Variants in PIGN observed in about 807,000 individuals in gnomAD.
The protein encoded by PIGN is phosphatidylinositol glycan anchor biosynthesis class N.
A neutral mutation model predicts 125.4 loss-of-function variants in PIGN; 117 were observed. The observed-to-expected ratio is 0.93, with a 90% CI of 0.80 to 1.09. The LOEUF is 1.09. Among genes scored for constraint, PIGN ranks in the 50% least tolerant of loss-of-function variants. The pLI, the probability that PIGN is intolerant of heterozygous loss-of-function variation, is 0.00. For missense variants in PIGN, 1,075 were observed against 1,094.9 expected, an observed-to-expected ratio of 0.98 and a Z score of 0.26; for synonymous variants, 392 against 377.8, an observed-to-expected ratio of 1.04 and a Z score of -0.44.
At chr18:62,135,465 G>C (rs1243579763) in intron 14 of PIGN, among the ~76,000 whole-genome samples, 1 of 152,070 alleles carries the variant, frequency 6.6e-6, no homozygotes. Flanking sequence ...CTTTGAATAT[G>C]TATGTGCAGG....
In PIGN at chr18:62,060,873, G is replaced by A. The variant is rs138181109; in HGVS notation, c.2672+11800C>T. ...TTTAAAAATGTACTTTCAGTATGCC[G>A]TATAAAAGGCAATACTCTATAAAGT... On this transcript the variant is annotated intron_variant, in intron 30 of 30. Coordinates refer to ENST00000640252, the MANE Select transcript of PIGN (RefSeq NM_176787.5). Among the ~76,000 whole-genome samples, 816 of 152,224 alleles carry A rather than the reference G, an allele frequency of 5.4e-3. 5 individuals carry two copies. The highest frequency in any genetic ancestry group is 9.2e-3 in the Non-Finnish European group (626 of 68,014).
At chr18:62,128,437 C>T (rs1484403899) in intron 14 of PIGN, among the ~76,000 whole-genome samples, 1 of 151,898 alleles carries the variant, frequency 6.6e-6, no homozygotes, top group Non-Finnish European at 1.5e-5. Flanking sequence ...TAATTAAAAC[C>T]ACTAGGCCAC....
chr18:62,169,993 C>T (rs1016395544), intron 1 of PIGN, among the ~76,000 whole-genome samples: 3 of 152,192 alleles, frequency 2.0e-5, no homozygotes, highest in Non-Finnish European at 4.4e-5. Flanking sequence ...ACATTCCCAC[C>T]AGCAATATAT....
chr18:62,160,137 A>G (rs1294291614), intron 4 of PIGN, among the ~76,000 whole-genome samples: 1 of 152,086 alleles, frequency 6.6e-6, no homozygotes, highest in Non-Finnish European at 1.5e-5. Context: ...GAAAAAGAAA[A>G]CAGAGTAAAA....
At chr18:62,181,654 T>TA (rs1356057307) in intron 1 of PIGN, among the ~76,000 whole-genome samples, 1 of 152,024 alleles carries the variant, frequency 6.6e-6, no homozygotes, top group Non-Finnish European at 1.5e-5. Flanking sequence ...TCAAGTCATC[T>TA]ACTCACCTCG....
chr18:62,084,031 A>G (rs2033573025), intron 27 of PIGN, among the ~76,000 whole-genome samples: 1 of 152,224 alleles, frequency 6.6e-6, no homozygotes, highest in Admixed American at 6.5e-5. Context: ...ATTACATTCT[A>G]ATGAAGAATC....
At chr18:62,054,101 G>A (rs56040291) in intron 30 of PIGN, among the ~76,000 whole-genome samples, 45,857 of 152,036 alleles carry the variant, frequency 0.3, 8,070 homozygotes, top group East Asian at 0.58. Flanking sequence ...TAAAGCAAGC[G>A]CAGACGGGGA....
chr18:62,144,871 C>G (rs906629066), intron 10 of PIGN, among the ~76,000 whole-genome samples: 5 of 152,104 alleles, frequency 3.3e-5, no homozygotes, highest in African/African-American at 1.2e-4. Context: ...GAGGCTGGGG[C>G]AGGAAGATTG....
intron 23 of PIGN, among the ~76,000 whole-genome samples, chr18:62,022,498 A>T (rs1031097819): frequency 6.6e-6 from 1 of 152,242 alleles, no homozygotes; most frequent in Non-Finnish European, 1.5e-5. Context: ...AAGCTGGTCT[A>T]GAAATTCTAG....
chr18:62,077,641 T>G (rs888497852), intron 28 of PIGN, among the ~76,000 whole-genome samples: 5 of 151,776 alleles, frequency 3.3e-5, no homozygotes, highest in Non-Finnish European at 7.3e-5. Flanking sequence ...AGGTAATATG[T>G]GGAAAGTACC....
At chr18:62,050,577 T>C (rs1169497125) in intron 30 of PIGN, among the ~76,000 whole-genome samples, 2 of 151,392 alleles carry the variant, frequency 1.3e-5, no homozygotes, top group Non-Finnish European at 3.0e-5. Flanking sequence ...CTGAAGTTGC[T>C]TATCAGCTTA....
chr18:62,137,268 G>T, intron 14 of PIGN: 1 of 412,788 alleles, frequency 2.4e-6, no homozygotes, highest in East Asian at 3.5e-5. Context: ...GTTTGCTAGG[G>T]GCTCTCGGGC....
chr18:62,045,677 GA>G lies in PIGN; in HGVS notation c.*178del. 16 of 459,342 alleles carry G rather than the reference GA, an allele frequency of 3.5e-5. No homozygotes were observed. The highest frequency in any genetic ancestry group is 5.4e-4 in the Middle Eastern group (1 of 1,836). 28.5% of individuals were successfully genotyped at this position (459,342 alleles called of 1,614,324 possible). On this transcript the variant is annotated 3_prime_UTR_variant, in exon 31 of 31. Transcript: ENST00000640252. ...CACTATTTCATGCCTGCAAAACCTA[GA>G]AAAAAAAAGAAGCTCCTTTGTTCCA...
At position 62,044,410 on chromosome 18, in the gene PIGN, A is replaced by C. The variant is rs142943775; in HGVS notation, c.*1446T>G. ...TATGAAAGTTCATGATTCTCATTCC[A>C]TCAACATCACTGTTTGCTACCATAG... On this transcript the variant is annotated 3_prime_UTR_variant, in exon 31 of 31. Coordinates refer to ENST00000640252, the MANE Select transcript of PIGN (RefSeq NM_176787.5). 2.9e-3 allele frequency: 447 copies of C among 152,302 alleles called. 1 individual carries two copies. The highest frequency in any genetic ancestry group is 0.01 in the African/African-American group (425 of 41,542). The allele number at this position is 152,302 out of a possible 1,614,324, so 9.4% of individuals were successfully genotyped here. A position where few individuals can be genotyped will look rare whatever the true frequency, so the allele number is the denominator to read the frequency against.
intron 1 of PIGN, among the ~76,000 whole-genome samples, chr18:62,184,252 A>G (rs2037817938): frequency 6.6e-6 from 1 of 152,226 alleles, no homozygotes; most frequent in Admixed American, 6.5e-5. Context: ...AAATACTAAA[A>G]TGATTGACGT....
intron 23 of PIGN, among the ~76,000 whole-genome samples, chr18:62,094,800 A>G (rs1248800172): frequency 6.6e-6 from 1 of 152,282 alleles, no homozygotes; most frequent in East Asian, 1.9e-4. Flanking sequence ...TGTGGCCCAC[A>G]TCTGGTTAGG....
chr18:62,183,001 G>C (rs1230384901), intron 1 of PIGN, among the ~76,000 whole-genome samples: 2 of 152,194 alleles, frequency 1.3e-5, no homozygotes, highest in Non-Finnish European at 2.9e-5. Flanking sequence ...GAGTTAGATA[G>C]AAGGAATAAG....
At chr18:62,097,003 T>C (rs2034235803) in intron 22 of PIGN, among the ~76,000 whole-genome samples, 1 of 151,974 alleles carries the variant, frequency 6.6e-6, no homozygotes, top group African/African-American at 2.4e-5. Context: ...CGTGTGCATG[T>C]GTCTTTATAG....
At chr18:62,089,395 A>G (rs534779518) in intron 24 of PIGN, among the ~76,000 whole-genome samples, 28 of 152,142 alleles carry the variant, frequency 1.8e-4, no homozygotes, top group Non-Finnish European at 3.5e-4. Context: ...CACAAATAGA[A>G]CACTAATGGG....
Sources: allele counts gnomAD v4.1 joint callset (sites outside exome capture counted in the v4.1 genomes callset), GRCh38; gene constraint gnomAD v4.1.1; transcripts MANE v1.5; gene names NCBI Gene and HGNC (gene_info 2026-07-23, HGNC 2026-07-21).